The following DUSP16 variants were observed in gnomAD, a reference collection of about 807,000 sequenced individuals.
DUSP16 encodes the protein dual specificity phosphatase 16.
DUSP16 carries 21 observed loss-of-function variants against 58.3 expected under a neutral mutation model. The ratio of observed to expected loss-of-function variants is 0.36; its 90% CI spans 0.26 to 0.52. The LOEUF (loss-of-function observed/expected upper bound fraction) is 0.52. DUSP16 is among the 20% of genes least tolerant of loss of function. DUSP16 has a pLI of 0.94. For synonymous variants in DUSP16, 320 were observed against 323.8 expected (o/e 0.99, Z 0.12); for missense variants, 726 against 819.0 (o/e 0.89, Z 1.39).
Position 12,521,298 on chromosome 12 carries a change from G to A in DUSP16, c.-200C>T, listed in dbSNP as rs191501155. 9 of 1,426,526 alleles carry A rather than the reference G, an allele frequency of 6.3e-6. No individual in the cohort carries two copies. The East Asian group carries it at 1.3e-4, about 20-fold the overall frequency. The allele number at this position is 1,426,526 out of a possible 1,614,324, so 88.4% of individuals were successfully genotyped here. A position where few individuals can be genotyped will look rare whatever the true frequency, so the allele number is the denominator to read the frequency against. On this transcript the variant is annotated 5_prime_UTR_variant, in exon 2 of 7. Transcript: ENST00000298573. ...GTCTCTTTCTCTTTCCCGTTGATGT[G>A]CTCTTGCAAAGGACTCCGTCCACAA...
At chr12:12,540,619 G>A (rs1422287835) in intron 1 of DUSP16, among the ~76,000 whole-genome samples, 1 of 152,174 alleles carries the variant, frequency 6.6e-6, no homozygotes, top group Non-Finnish European at 1.5e-5. Flanking sequence ...TAGCAAGAGT[G>A]GGAGAGAAAA....
intron 3 of DUSP16, among the ~76,000 whole-genome samples, chr12:12,514,846 A>C (rs899778725): frequency 2.0e-5 from 3 of 152,068 alleles, no homozygotes; most frequent in Non-Finnish European, 4.4e-5. Flanking sequence ...TCTAGTACAG[A>C]CGAGGTCTCT....
intron 1 of DUSP16, among the ~76,000 whole-genome samples, chr12:12,526,238 T>C (rs997452191): frequency 2.6e-5 from 4 of 152,242 alleles, no homozygotes; most frequent in Admixed American, 2.0e-4. Context: ...ATTTATGTTT[T>C]ATATTTTATA....
At chr12:12,543,554 T>C (rs1944596435) in intron 1 of DUSP16, among the ~76,000 whole-genome samples, 1 of 152,190 alleles carries the variant, frequency 6.6e-6, no homozygotes, top group Non-Finnish European at 1.5e-5. Flanking sequence ...AAGTATATTA[T>C]GTGAAATACT....
intron 1 of DUSP16, among the ~76,000 whole-genome samples, chr12:12,555,442 C>A (rs1370993281): frequency 6.6e-6 from 1 of 152,220 alleles, no homozygotes; most frequent in Non-Finnish European, 1.5e-5. Context: ...CAAAAGCCTA[C>A]TCTACTATCC....
intron 5 of DUSP16, 105 bp from the exon 6 acceptor site, chr12:12,480,451 G>T: frequency 7.5e-7 from 1 of 1,341,598 alleles, no homozygotes; most frequent in Non-Finnish European, 1.0e-6. Context: ...AAACCTCTAC[G>T]CAAATCTCAT....
chr12:12,518,915 C>G (rs1190883215), intron 3 of DUSP16, among the ~76,000 whole-genome samples: 1 of 152,182 alleles, frequency 6.6e-6, no homozygotes, highest in East Asian at 1.9e-4. Context: ...ACATGGAAAT[C>G]TTATCTAAAC....
intron 1 of DUSP16, among the ~76,000 whole-genome samples, chr12:12,525,477 T>C (rs905398331): frequency 4.8e-5 from 7 of 146,346 alleles, no homozygotes; most frequent in Admixed American, 2.7e-4. Flanking sequence ...CATGTCAGGC[T>C]GGTCTCGAAC....
At chr12:12,484,258 A>C (rs1176172144) in intron 5 of DUSP16, among the ~76,000 whole-genome samples, 1 of 152,336 alleles carries the variant, frequency 6.6e-6, no homozygotes, top group Non-Finnish European at 1.5e-5. Flanking sequence ...GCTCTAATAG[A>C]ACCAAGCAAA....
At position 12,477,550 on chromosome 12, in the gene DUSP16, C is replaced by T. The variant is rs1943474405; in HGVS notation, c.1281G>A (p.Leu427=). 6.2e-7 allele frequency: 1 copy of T among 1,611,522 alleles called. No homozygotes were observed. The highest frequency in any genetic ancestry group is 8.5e-7 in the Non-Finnish European group (1 of 1,178,544). ...GAGTAGTGGAAGGTTTGTAGTATTC[C>T]AAAGCATCTTCTGATGAGGAGAAGC... ...LHGFSSSEDA[L]EYYKPSTTLD... Residue 427 remains leucine, a synonymous_variant, in exon 7 of 7, where the codon TTG becomes TTA. Coordinates refer to ENST00000298573, the MANE Select transcript of DUSP16 (RefSeq NM_030640.3). The surrounding 1 kb of genome is among the most constrained non-coding windows in gnomAD (Gnocchi z 4.1).
At chr12:12,531,309 T>G (rs1192064849) in intron 1 of DUSP16, among the ~76,000 whole-genome samples, 1 of 152,222 alleles carries the variant, frequency 6.6e-6, no homozygotes, top group Non-Finnish European at 1.5e-5. Flanking sequence ...ATTCCATAAT[T>G]TAATCTATTT....
At chr12:12,517,400 G>A (rs1036016262) in intron 3 of DUSP16, among the ~76,000 whole-genome samples, 5 of 152,136 alleles carry the variant, frequency 3.3e-5, no homozygotes, top group African/African-American at 1.2e-4. Flanking sequence ...AAACTAGGGT[G>A]CTTTTCAGTT....
At chr12:12,523,842 T>C (rs186808462) in intron 1 of DUSP16, among the ~76,000 whole-genome samples, 1 of 152,234 alleles carries the variant, frequency 6.6e-6, no homozygotes, top group East Asian at 1.9e-4. Flanking sequence ...TAAGTACTTG[T>C]TCCCATAATG....
rs1944750193 is a variant in DUSP16 at position 12,552,801 on chromosome 12, GAC to G, written c.-366+9314_-366+9315del. Among the ~76,000 whole-genome samples the G allele has an allele frequency of 5.3e-5, 8 of 151,636 alleles. No homozygotes were observed. In the South Asian group the frequency reaches 1.7e-3, roughly 32 times the overall value. On this transcript the variant is annotated intron_variant, in intron 1 of 6. Transcript: ENST00000298573. ...CTTTGTTTTTTCTTCTTTTTTTTGAGACACAGTCTCGCTCTGTCGCCCAGGCT... is the reference window on the plus strand; with the variant it reads ...CTTTGTTTTTTCTTCTTTTTTTTGAGACAGTCTCGCTCTGTCGCCCAGGCT...
In DUSP16 at chr12:12,519,957, C is replaced by A. The variant is rs756115831; in HGVS notation, c.272G>T (p.Ser91Ile). 1.8e-5 allele frequency: 29 copies of A among 1,614,108 alleles called. No homozygotes were observed. The highest frequency in any genetic ancestry group is 2.5e-6 in the Non-Finnish European group (3 of 1,179,970). Residue 91 changes from serine to isoleucine, a missense_variant, in exon 3 of 7, where the codon AGC becomes ATC. Coordinates refer to ENST00000298573, the MANE Select transcript of DUSP16 (RefSeq NM_030640.3). The stretch of plus-strand genomic sequence containing the variant: ...AGAGAGAGAGGCAACATCTTGGGAG[C>A]TTTGATCGTAAACTACAACCTTCTG... The part of the protein sequence containing the change: ...CSQKVVVYDQ[S>I]SQDVASLSSD...
At chr12:12,530,906 C>T (rs1944373791) in intron 1 of DUSP16, among the ~76,000 whole-genome samples, 1 of 152,088 alleles carries the variant, frequency 6.6e-6, no homozygotes, top group Admixed American at 6.5e-5. Context: ...TAAATGCTTT[C>T]AAGGTTCTCT....
At chr12:12,556,069 ATTTAG>A (rs1381849738) in intron 1 of DUSP16, among the ~76,000 whole-genome samples, 1 of 152,144 alleles carries the variant, frequency 6.6e-6, no homozygotes, top group East Asian at 1.9e-4. Context: ...TAAATTAAGC[ATTTAG>A]TTTAGGAGGA....
At chr12:12,515,221 A>G (rs915643071) in intron 3 of DUSP16, among the ~76,000 whole-genome samples, 5 of 152,198 alleles carry the variant, frequency 3.3e-5, no homozygotes, top group African/African-American at 1.2e-4. Context: ...TAATTTTTTT[A>G]GCCAAATAGG....
At chr12:12,524,858 T>C (rs557304444) in intron 1 of DUSP16, among the ~76,000 whole-genome samples, 3 of 152,324 alleles carry the variant, frequency 2.0e-5, no homozygotes, top group East Asian at 1.9e-4. Context: ...CAGTTTATTG[T>C]GTCACTTATA....
Sources: gnomAD v4.1 joint callset for allele counts (sites outside exome capture counted in the v4.1 genomes callset) on GRCh38, gnomAD v4.1.1 for gene constraint, Gnocchi (gnomAD v3.1) non-coding constraint, MANE v1.5 for transcripts, NCBI Gene and HGNC (gene_info 2026-07-23, HGNC 2026-07-21) for gene names.